FAM168A: variants seen among roughly 807,000 people sequenced by gnomAD.
FAM168A encodes the protein family with sequence similarity 168 member A, also known as protein FAM168A.
FAM168A carries 3 observed loss-of-function variants against 28.5 expected under a neutral mutation model. The observed-to-expected ratio is 0.11, with a 90% CI of 0.05 to 0.27. The LOEUF is 0.27. Among genes scored for constraint, FAM168A ranks in the 10% least tolerant of loss-of-function variants. FAM168A has a pLI of 1.00. For synonymous variants in FAM168A, 122 were observed against 124.2 expected (o/e 0.98, Z 0.12); for missense variants, 222 against 311.5 (o/e 0.71, Z 2.16).
At chr11:73,425,886 T>C (rs1866877139) in intron 3 of FAM168A, among the ~76,000 whole-genome samples, 1 of 152,234 alleles carries the variant, frequency 6.6e-6, no homozygotes, top group Non-Finnish European at 1.5e-5. Flanking sequence ...GGGCAACTTA[T>C]TTAACCTGTT....
At position 73,407,730 on chromosome 11, in the gene FAM168A, C is replaced by A. The variant is rs1219539760; in HGVS notation, c.596-87G>T. On this transcript the variant is annotated intron_variant, in intron 6 of 7. Transcript: ENST00000356467. The stretch of plus-strand genomic sequence containing the variant: ...GATGAAGCTACAGTCTTTCACATGG[C>A]TGCTCCCTCTGCCCAAATCCCCCAT... The A allele has an allele frequency of 3.7e-6, 4 of 1,073,180 alleles. No homozygotes were observed. The Admixed American group carries it at 7.1e-5, about 19-fold the overall frequency. 66.5% of individuals were successfully genotyped at this position (1,073,180 alleles called of 1,614,324 possible). A position where few individuals can be genotyped will look rare whatever the true frequency, so the allele number is the denominator to read the frequency against.
chr11:73,445,259 C>CA (rs775104333), intron 2 of FAM168A, among the ~76,000 whole-genome samples: 6,553 of 113,836 alleles, frequency 0.058, 443 homozygotes, highest in African/African-American at 0.18. Flanking sequence ...AACTCCATCT[C>CA]AAAAAAAAAA....
At chr11:73,441,919 G>C (rs1262894511) in intron 2 of FAM168A, among the ~76,000 whole-genome samples, 2 of 152,068 alleles carry the variant, frequency 1.3e-5, no homozygotes, top group Non-Finnish European at 2.9e-5. Flanking sequence ...CATCAGCCTA[G>C]CTAAAGCTAA....
chr11:73,471,610 G>T (rs1590801377), intron 1 of FAM168A, among the ~76,000 whole-genome samples: 1 of 152,150 alleles, frequency 6.6e-6, no homozygotes, highest in East Asian at 1.9e-4. Context: ...CAAGATCCTT[G>T]ATGCTCTATC....
chr11:73,540,261 C>T (rs494522), intron 1 of FAM168A, among the ~76,000 whole-genome samples: 152,387 of 152,388 alleles, frequency 1, 76,193 homozygotes, highest in Non-Finnish European at 1. Context: ...ATACTGTCAA[C>T]AATAGTAGGT....
chr11:73,567,559 C>T (rs930657255), intron 1 of FAM168A, among the ~76,000 whole-genome samples: 14 of 152,156 alleles, frequency 9.2e-5, no homozygotes, highest in African/African-American at 2.4e-4. Flanking sequence ...TTTTCCCTTG[C>T]TTCCTTTTAA....
chr11:73,432,739 C>G (rs989053625), intron 2 of FAM168A, among the ~76,000 whole-genome samples: 1 of 151,978 alleles, frequency 6.6e-6, no homozygotes, highest in Non-Finnish European at 1.5e-5. Flanking sequence ...AGGTGAAACC[C>G]CGTCTCTACT....
chr11:73,591,091 C>T (rs1035210929), intron 1 of FAM168A, among the ~76,000 whole-genome samples: 1 of 151,912 alleles, frequency 6.6e-6, no homozygotes, highest in African/African-American at 2.4e-5. Context: ...TTGCAGTGAG[C>T]AGAGATCGTG....
intron 2 of FAM168A, among the ~76,000 whole-genome samples, chr11:73,443,729 G>A (rs1200640349): frequency 6.6e-6 from 1 of 152,164 alleles, no homozygotes; most frequent in African/African-American, 2.4e-5. Context: ...TTAGCTCTGT[G>A]ACTTTGGGCA....
chr11:73,409,557 A>C lies in FAM168A; in HGVS notation c.525T>G (p.Pro175=), dbSNP rs2134479135. The C allele has an allele frequency of 6.2e-7, 1 of 1,613,972 alleles. No homozygotes were observed. Among genetic ancestry groups the C allele is most frequent in the Non-Finnish European group, 8.5e-7 (1 of 1,179,916 alleles). ...CACCGTTGGTCCTCGGGGCGGCAAC[A>C]GGTGCTGGGTAGATAGCAGAGGGAA... ...NSIPSAIYPA[P]VAAPRTNGVA... is the part of the protein sequence containing the mutation. Residue 175 remains proline (P), a synonymous_variant, in exon 6 of 8, where the codon CCT becomes CCG. Transcript: ENST00000356467.
chr11:73,571,956 AG>A (rs1944096553), intron 1 of FAM168A, among the ~76,000 whole-genome samples: 1 of 145,694 alleles, frequency 6.9e-6, no homozygotes, highest in East Asian at 2.2e-4. Context: ...CCCGTCTGGG[AG>A]GTGAGGAGCG....
rs918913883 is a variant in FAM168A at position 73,404,332 on chromosome 11, T to C, written c.*2431A>G. On this transcript the variant is annotated 3_prime_UTR_variant, in exon 8 of 8. Transcript: ENST00000356467. The stretch of plus-strand genomic sequence containing the variant: ...CTTCCATAACCTGTTTCCTCATTTG[T>C]CAATTGACTGTAATAACTCTAACCC... 1 of 152,360 alleles carries C rather than the reference T, an allele frequency of 6.6e-6. No homozygotes were observed. 9.4% of individuals were successfully genotyped at this position (152,360 alleles called of 1,614,324 possible).
intron 1 of FAM168A, among the ~76,000 whole-genome samples, chr11:73,553,535 C>A (rs865996927): frequency 7.2e-5 from 11 of 152,150 alleles, no homozygotes; most frequent in Non-Finnish European, 1.6e-4. Flanking sequence ...ATATGAAAGG[C>A]AGTATGGGGA....
At chr11:73,444,270 T>C (rs1465074889) in intron 2 of FAM168A, among the ~76,000 whole-genome samples, 1 of 152,262 alleles carries the variant, frequency 6.6e-6, no homozygotes. Flanking sequence ...GCCCTTTTCA[T>C]TAAAAGTTCC....
chr11:73,462,138 C>T (rs1867657921), intron 2 of FAM168A, among the ~76,000 whole-genome samples: 1 of 152,176 alleles, frequency 6.6e-6, no homozygotes, highest in Admixed American at 6.6e-5. Context: ...GAATTGAAAG[C>T]AAGGTCTTCA....
chr11:73,425,387 C>T (rs1866869930), intron 3 of FAM168A, among the ~76,000 whole-genome samples: 1 of 152,180 alleles, frequency 6.6e-6, no homozygotes, highest in Non-Finnish European at 1.5e-5. Flanking sequence ...AGGGATTTCA[C>T]ATATGGCAGA....
At chr11:73,449,345 C>T (rs891980699) in intron 2 of FAM168A, among the ~76,000 whole-genome samples, 9 of 152,178 alleles carry the variant, frequency 5.9e-5, no homozygotes, top group East Asian at 1.9e-4. Context: ...GATAAAACAG[C>T]GGAGCTGAGA....
chr11:73,422,783 T>G (rs1866820972), intron 3 of FAM168A, among the ~76,000 whole-genome samples: 1 of 141,912 alleles, frequency 7.0e-6, no homozygotes, highest in African/African-American at 3.1e-5. Context: ...ATCCCTCAAT[T>G]AAACGAGAGA....
At chr11:73,446,875 A>C (rs183858165) in intron 2 of FAM168A, among the ~76,000 whole-genome samples, 257 of 152,310 alleles carry the variant, frequency 1.7e-3, no homozygotes, top group Non-Finnish European at 3.2e-3. Context: ...CAAAAATGCC[A>C]ACCTATCCAT....
Sources: allele counts gnomAD v4.1 joint callset (sites outside exome capture counted in the v4.1 genomes callset), GRCh38; gene constraint gnomAD v4.1.1; transcripts MANE v1.5; gene names NCBI Gene and HGNC (gene_info 2026-07-23, HGNC 2026-07-21).